The following DCHS2 variants were observed in gnomAD, a reference collection of about 807,000 sequenced individuals.
DCHS2 encodes dachsous cadherin-related 2, also known as protocadherin-23.
In DCHS2, 142 loss-of-function variants were observed where a neutral mutation model predicts 182.4. The ratio of observed to expected loss-of-function variants is 0.78; its 90% CI spans 0.68 to 0.89. The LOEUF (loss-of-function observed/expected upper bound fraction) is 0.89. Among genes scored for constraint, DCHS2 ranks in the 40% least tolerant of loss-of-function variants. DCHS2 has a pLI of 0.00. For synonymous variants in DCHS2, 1,740 were observed against 1,663.3 expected (o/e 1.05, Z -1.12); for missense variants, 4,319 against 4,198.6 (o/e 1.03, Z -0.79).
At chr4:154,264,559 A>C (rs754177106) in intron 14 of DCHS2, among the ~76,000 whole-genome samples, 2 of 152,200 alleles carry the variant, frequency 1.3e-5, no homozygotes, top group African/African-American at 2.4e-5. Context: ...AAAAGATACA[A>C]ATGAATGGCG....
rs1728706754 is a variant in DCHS2 at position 154,489,419 on chromosome 4, GTGGC to G, written c.1933_1936del (p.Ala645ProfsTer4). On this transcript the variant is annotated frameshift_variant, in exon 1 of 20. Coordinates refer to ENST00000357232, the MANE Select transcript of DCHS2 (RefSeq NM_001358235.2). LOFTEE classifies it high-confidence loss of function. ...ATCTACGGTGATGCTCACCAGGCAGGTGGCAGAGAGTGGGGGCTCTCCGAGGTCC... is the reference window on the plus strand; with the variant it reads ...ATCTACGGTGATGCTCACCAGGCAGGAGAGAGTGGGGGCTCTCCGAGGTCC... The G allele has an allele frequency of 1.3e-6, 2 of 1,551,660 alleles. No homozygotes were observed. Among genetic ancestry groups the G allele is most frequent in the Admixed American group, 3.9e-5 (2 of 50,994 alleles).
chr4:154,292,796 G>T (rs1400117640), intron 13 of DCHS2, among the ~76,000 whole-genome samples: 2 of 152,166 alleles, frequency 1.3e-5, no homozygotes, highest in Non-Finnish European at 2.9e-5. Context: ...ACTCCCAGCA[G>T]GTGGCAGCCC....
rs1402848754 is a variant in DCHS2, at chr4:154,235,304, T to C, written c.9348A>G (p.Arg3116=). The C allele has an allele frequency of 6.2e-7, 1 of 1,613,996 alleles. No homozygotes were observed. The highest frequency in any genetic ancestry group is 1.3e-5 in the African/African-American group (1 of 74,932). ...CACTCAGAGCTGAGTCTGAGCACTT[T>C]CTGTAGGGATGCTCATTTATCCTCT... is the stretch of plus-strand genomic sequence containing the variant. ...EIQRINEHPY[R]KCSDSALSDH... Residue 3116 remains arginine (R), a synonymous_variant, in exon 20 of 20, where the codon AGA becomes AGG. Coordinates refer to ENST00000357232, the MANE Select transcript of DCHS2 (RefSeq NM_001358235.2).
intron 16 of DCHS2, among the ~76,000 whole-genome samples, chr4:154,243,817 C>T (rs537669091): frequency 6.6e-6 from 1 of 152,262 alleles, no homozygotes; most frequent in East Asian, 1.9e-4. Context: ...TGATAAATTA[C>T]CAACCTCCCT....
intron 1 of DCHS2, among the ~76,000 whole-genome samples, chr4:154,483,553 T>C (rs552897662): frequency 4.0e-4 from 61 of 152,228 alleles, no homozygotes; most frequent in Middle Eastern, 3.4e-3. Flanking sequence ...AGGCTTTCAT[T>C]GTCTTCACTG....
At chr4:154,257,891 C>G (rs1178876062) in intron 15 of DCHS2, among the ~76,000 whole-genome samples, 1 of 152,202 alleles carries the variant, frequency 6.6e-6, no homozygotes, top group African/African-American at 2.4e-5. Context: ...GGCTCTCTCT[C>G]ATTCAGTGCA....
intron 1 of DCHS2, among the ~76,000 whole-genome samples, chr4:154,459,400 G>A (rs752253763): frequency 6.6e-6 from 1 of 151,854 alleles, no homozygotes; most frequent in Non-Finnish European, 1.5e-5. Context: ...AGAAACAAAA[G>A]AGACTTTAAA....
intron 4 of DCHS2, 28 bp from the exon 5 acceptor site, chr4:154,333,522 G>C: frequency 6.3e-7 from 1 of 1,579,144 alleles, no homozygotes; most frequent in Non-Finnish European, 8.6e-7. Context: ...GACAACCACT[G>C]TATGTCAAAA....
At chr4:154,488,740 T>TA (rs1208708635) in intron 1 of DCHS2, among the ~76,000 whole-genome samples, 7 of 151,832 alleles carry the variant, frequency 4.6e-5, no homozygotes, top group Admixed American at 2.0e-4. Context: ...CCATCTCCAC[T>TA]AAAAAAATAC....
chr4:154,366,479 T>G, intron 2 of DCHS2, 38 bp from the exon 3 acceptor site: 1 of 1,366,088 alleles, frequency 7.3e-7, no homozygotes, highest in Non-Finnish European at 1.0e-6. Flanking sequence ...AATGGGTTTT[T>G]GCTGAACACT....
At chr4:154,370,031 A>G (rs1730571643) in intron 2 of DCHS2, among the ~76,000 whole-genome samples, 1 of 152,072 alleles carries the variant, frequency 6.6e-6, no homozygotes, top group Admixed American at 6.6e-5. Flanking sequence ...TCTCTCCTTC[A>G]CATCTCTCAG....
chr4:154,274,415 C>CTAAGTGCCT (rs535583728), intron 13 of DCHS2, among the ~76,000 whole-genome samples: 2 of 152,136 alleles, frequency 1.3e-5, no homozygotes, highest in Non-Finnish European at 2.9e-5. Flanking sequence ...GATTGTGCTA[C>CTAAGTGCCT]TAATTTGTCA....
chr4:154,404,672 T>C (rs1732324997), intron 1 of DCHS2, among the ~76,000 whole-genome samples: 1 of 152,332 alleles, frequency 6.6e-6, no homozygotes, highest in East Asian at 1.9e-4. Flanking sequence ...TTTTATCAGA[T>C]TTTTCCCCAA....
intron 1 of DCHS2, among the ~76,000 whole-genome samples, chr4:154,474,960 T>C (rs929088970): frequency 1.3e-5 from 2 of 152,172 alleles, no homozygotes; most frequent in African/African-American, 2.4e-5. Context: ...TATTATTGTA[T>C]TTTTTAGCTT....
intron 1 of DCHS2, among the ~76,000 whole-genome samples, chr4:154,418,626 C>A (rs145767853): frequency 1.3e-5 from 2 of 152,302 alleles, no homozygotes; most frequent in East Asian, 3.9e-4. Flanking sequence ...TAGATCCATG[C>A]ACTCTTTTTA....
intron 12 of DCHS2, among the ~76,000 whole-genome samples, chr4:154,299,220 C>G (rs1735101808): frequency 6.6e-6 from 1 of 152,160 alleles, no homozygotes; most frequent in Admixed American, 6.6e-5. Flanking sequence ...AGTAAGCCTT[C>G]TCTTCTACAT....
intron 3 of DCHS2, among the ~76,000 whole-genome samples, chr4:154,362,759 G>T (rs566326640): frequency 2.5e-4 from 38 of 151,838 alleles, no homozygotes; most frequent in Non-Finnish European, 4.9e-4. Flanking sequence ...CTTCCTCCTC[G>T]GCCATCTCAA....
chr4:154,487,625 A>C, intron 1 of DCHS2, among the ~76,000 whole-genome samples: 1 of 152,078 alleles, frequency 6.6e-6, no homozygotes, highest in East Asian at 1.9e-4. Flanking sequence ...CAGTCATGAA[A>C]CCCACTTTTA....
intron 13 of DCHS2, among the ~76,000 whole-genome samples, chr4:154,270,615 C>G (rs2111205691): frequency 6.6e-6 from 1 of 151,684 alleles, no homozygotes. Context: ...ATATGATTTG[C>G]TTTTTAAAAA....
Sources: allele counts gnomAD v4.1 joint callset (sites outside exome capture counted in the v4.1 genomes callset), GRCh38; gene constraint gnomAD v4.1.1; transcripts MANE v1.5; gene names NCBI Gene and HGNC (gene_info 2026-07-23, HGNC 2026-07-21).